The following KCNH7 variants were observed in gnomAD, a reference collection of about 807,000 sequenced individuals.
KCNH7 encodes potassium voltage-gated channel subfamily H member 7, also known as voltage-gated inwardly rectifying potassium channel KCNH7.
A neutral mutation model predicts 120.8 loss-of-function variants in KCNH7; 49 were observed. That is an observed-to-expected ratio of 0.41 (90% CI 0.32 to 0.51). The LOEUF (loss-of-function observed/expected upper bound fraction) is 0.51, where lower values mean the gene tolerates loss of function less well. Ranked by LOEUF, KCNH7 falls within the 20% of genes least tolerant of loss-of-function variation. The pLI is 0.38. For missense variants in KCNH7, 1,097 were observed against 1,446.6 expected (o/e 0.76, Z 3.92); for synonymous variants, 547 against 516.1 (o/e 1.06, Z -0.81).
chr2:162,602,201 G>T (rs530798923), intron 2 of KCNH7, among the ~76,000 whole-genome samples: 109 of 152,202 alleles, frequency 7.2e-4, no homozygotes, highest in African/African-American at 2.6e-3. Context: ...GGCCTAGAAA[G>T]AAATTTGCAA....
At chr2:162,747,474 T>C (rs987134728) in intron 2 of KCNH7, among the ~76,000 whole-genome samples, 2 of 152,196 alleles carry the variant, frequency 1.3e-5, no homozygotes, top group Non-Finnish European at 2.9e-5. Context: ...TATGTTTTTA[T>C]TGCTTCTTGT....
intron 2 of KCNH7, among the ~76,000 whole-genome samples, chr2:162,695,750 A>G (rs1686267063): frequency 6.6e-6 from 1 of 152,128 alleles, no homozygotes; most frequent in Non-Finnish European, 1.5e-5. Context: ...CTTGAAACTG[A>G]CATGCCGGGA....
At chr2:162,773,049 T>C (rs1354694650) in intron 2 of KCNH7, among the ~76,000 whole-genome samples, 1 of 152,234 alleles carries the variant, frequency 6.6e-6, no homozygotes, top group Non-Finnish European at 1.5e-5. Flanking sequence ...ATCATGACAG[T>C]GATCTTTAAA....
chr2:162,480,815 C>A (rs1160047113), intron 6 of KCNH7, among the ~76,000 whole-genome samples: 2 of 152,040 alleles, frequency 1.3e-5, no homozygotes, highest in Non-Finnish European at 2.9e-5. Flanking sequence ...TTATATAGGG[C>A]AAGAAGTTAC....
At chr2:162,694,203 G>A (rs960328237) in intron 2 of KCNH7, among the ~76,000 whole-genome samples, 5 of 152,122 alleles carry the variant, frequency 3.3e-5, no homozygotes, top group Admixed American at 1.3e-4. Flanking sequence ...TCTCACCCAT[G>A]CTTCAGAACA....
intron 8 of KCNH7, among the ~76,000 whole-genome samples, chr2:162,424,226 C>T (rs529287102): frequency 8.5e-5 from 13 of 152,060 alleles, no homozygotes; most frequent in Admixed American, 2.0e-4. Flanking sequence ...AAAAATAGAA[C>T]ACATTTTTGT....
At chr2:162,651,723 A>G (rs765982267) in intron 2 of KCNH7, among the ~76,000 whole-genome samples, 2 of 152,102 alleles carry the variant, frequency 1.3e-5, no homozygotes, top group Admixed American at 6.6e-5. Context: ...ATGCTCAGTA[A>G]TGGGATTGCT....
At chr2:162,646,878 C>T (rs1318840785) in intron 2 of KCNH7, among the ~76,000 whole-genome samples, 6 of 152,210 alleles carry the variant, frequency 3.9e-5, no homozygotes, top group Non-Finnish European at 8.8e-5. Context: ...TGATTTTAGC[C>T]TTGTGAACTT....
intron 12 of KCNH7, among the ~76,000 whole-genome samples, chr2:162,389,452 C>T (rs1293309371): frequency 1.3e-5 from 2 of 151,850 alleles, no homozygotes; most frequent in Admixed American, 1.3e-4. Flanking sequence ...GAACATTATT[C>T]TTTATGCTTT....
At chr2:162,577,350 TA>T (rs1693714726) in intron 2 of KCNH7, among the ~76,000 whole-genome samples, 1 of 45,154 alleles carries the variant, frequency 2.2e-5, no homozygotes. Context: ...CTATCCATCC[TA>T]TCTATCTATC....
At chr2:162,812,850 C>A (rs900371166) in intron 2 of KCNH7, among the ~76,000 whole-genome samples, 1 of 151,894 alleles carries the variant, frequency 6.6e-6, no homozygotes, top group Non-Finnish European at 1.5e-5. Context: ...GAGAGTTGAC[C>A]GGAGTGTATT....
rs531265339 is a variant in KCNH7 at position 162,836,097 on chromosome 2, G to A, written c.307+440C>T. ...CTATCAACTAAAGCTAAAGAGCCAA[G>A]AGACATAACTGTAATAGTTTTAGTT... On this transcript the variant is annotated intron_variant, in intron 2 of 15. Transcript: ENST00000332142. Among the ~76,000 whole-genome samples, 94 of 152,284 alleles carry A rather than the reference G, an allele frequency of 6.2e-4. 2 individuals are homozygous for A. In the South Asian group the frequency reaches 9.5e-3, roughly 15 times the overall value.
At chr2:162,380,316 A>G (rs1686371995) in intron 13 of KCNH7, among the ~76,000 whole-genome samples, 1 of 152,172 alleles carries the variant, frequency 6.6e-6, no homozygotes, top group Non-Finnish European at 1.5e-5. Context: ...TAAGAACAGC[A>G]GAACCAAAAC....
At chr2:162,470,401 G>A (rs10930054) in intron 6 of KCNH7, among the ~76,000 whole-genome samples, 10,973 of 146,428 alleles carry the variant, frequency 0.075, 1,288 homozygotes, top group African/African-American at 0.25. Context: ...CGGCCGCCCC[G>A]TCTGAGAAGT....
rs573901766 is a variant in KCNH7, at chr2:162,763,908, A to G, written c.307+72629T>C. 5.9e-5 allele frequency among the ~76,000 whole-genome samples: 9 copies of G among 152,210 alleles called. No homozygotes were observed. The South Asian group carries it at 1.2e-3, about 21-fold the overall frequency. On this transcript the variant is annotated intron_variant, in intron 2 of 15. Coordinates refer to ENST00000332142, the MANE Select transcript of KCNH7 (RefSeq NM_033272.4). Reference sequence around the variant, plus strand: ...CCTTTGTGTAAACAATGTGACAAATACCATAACAAATTGATGTGAGGAATT... The same window carrying G: ...CCTTTGTGTAAACAATGTGACAAATGCCATAACAAATTGATGTGAGGAATT...
At chr2:162,773,830 T>C (rs1230267765) in intron 2 of KCNH7, among the ~76,000 whole-genome samples, 1 of 152,196 alleles carries the variant, frequency 6.6e-6, no homozygotes, top group African/African-American at 2.4e-5. Context: ...TTATTATCCA[T>C]TGTTTAAAAT....
chr2:162,577,108 T>C (rs1489751541), intron 2 of KCNH7, among the ~76,000 whole-genome samples: 3 of 151,646 alleles, frequency 2.0e-5, no homozygotes, highest in Non-Finnish European at 2.9e-5. Context: ...TTTGTAGAAA[T>C]TGGGTCTTGC....
intron 2 of KCNH7, among the ~76,000 whole-genome samples, chr2:162,628,711 TG>T (rs1414997289): frequency 6.6e-6 from 1 of 152,064 alleles, no homozygotes; most frequent in Non-Finnish European, 1.5e-5. Context: ...TTTTTGTTGT[TG>T]TTGCTGTGTC....
At chr2:162,540,554 G>A (rs1316081838) in intron 2 of KCNH7, among the ~76,000 whole-genome samples, 2 of 152,084 alleles carry the variant, frequency 1.3e-5, no homozygotes, top group Non-Finnish European at 2.9e-5. Flanking sequence ...TACTGTGTGT[G>A]GTTTGTGTTC....
Sources: allele counts gnomAD v4.1 joint callset (sites outside exome capture counted in the v4.1 genomes callset), GRCh38; gene constraint gnomAD v4.1.1; transcripts MANE v1.5; gene names NCBI Gene and HGNC (gene_info 2026-07-23, HGNC 2026-07-21).